Variants in POU1F1 observed in about 807,000 individuals in gnomAD.
POU1F1 encodes POU class 1 homeobox 1.
POU1F1 carries 23 observed loss-of-function variants against 32.3 expected under a neutral mutation model. The ratio of observed to expected loss-of-function variants is 0.71; its 90% CI spans 0.51 to 1.01. The LOEUF (loss-of-function observed/expected upper bound fraction) is 1.01. Among genes scored for constraint, POU1F1 ranks in the 50% least tolerant of loss-of-function variants. POU1F1 has a pLI of 0.00. For missense variants in POU1F1, 323 were observed against 341.6 expected, an observed-to-expected ratio of 0.95 and a Z score of 0.43; for synonymous variants, 120 against 115.6, an observed-to-expected ratio of 1.04 and a Z score of -0.25.
chr3:87,267,364 A>T (rs899446088), intron 2 of POU1F1, among the ~76,000 whole-genome samples: 3 of 152,234 alleles, frequency 2.0e-5, no homozygotes, highest in Admixed American at 2.0e-4. Context: ...TTAACTTTGC[A>T]GTTTAAACCA....
At chr3:87,270,840 TAA>T (rs1225976641) in intron 2 of POU1F1, among the ~76,000 whole-genome samples, 1 of 152,154 alleles carries the variant, frequency 6.6e-6, no homozygotes. Flanking sequence ...TTACTGGGGA[TAA>T]AGTCAGGAGA....
chr3:87,259,933 ACT>A lies in POU1F1; in HGVS notation c.835_836del (p.Ser279PhefsTer6). 3.1e-6 allele frequency: 5 copies of A among 1,614,062 alleles called. No individual in the cohort carries two copies. The highest frequency in any genetic ancestry group is 1.7e-6 in the Non-Finnish European group (2 of 1,179,992). ...GATGTTCCTTAGAAATAGAAAATAA[ACT>A]CTGATTCAGACTTGTTTTCACCCGT... ...EKRVKTSLNQ[S>X]LFSISKEHLE... On this transcript the variant is annotated frameshift_variant, in exon 6 of 6. Transcript: ENST00000350375. LOFTEE classifies it high-confidence loss of function.
At position 87,259,558 on chromosome 3, in the gene POU1F1, A is replaced by G. The variant is rs1030369778; in HGVS notation, c.*336T>C. ...TACTGACTTACATGTTAAAAAGCTAATATACATGTTTGGAAAAGGAACTTA... is the reference window on the plus strand; with the variant it reads ...TACTGACTTACATGTTAAAAAGCTAGTATACATGTTTGGAAAAGGAACTTA... On this transcript the variant is annotated 3_prime_UTR_variant, in exon 6 of 6. Coordinates refer to ENST00000350375, the MANE Select transcript of POU1F1 (RefSeq NM_000306.4). 3.8e-6 allele frequency: 1 copy of G among 261,470 alleles called. No individual in the cohort carries two copies. The highest frequency in any genetic ancestry group is 1.1e-4 in the East Asian group (1 of 9,312). The allele number at this position is 261,470 out of a possible 1,614,324, so 16.2% of individuals were successfully genotyped here.
At chr3:87,261,378 T>C (rs1453211491) in intron 4 of POU1F1, 45 bp from the exon 5 acceptor site, 1 of 1,422,534 alleles carries the variant, frequency 7.0e-7, no homozygotes, top group East Asian at 2.3e-5. Flanking sequence ...AAAGTAGACT[T>C]TTTATAAAAA....
intron 1 of POU1F1, 140 bp downstream of exon 1, chr3:87,276,181 A>G: frequency 9.3e-7 from 1 of 1,070,984 alleles, no homozygotes; most frequent in Non-Finnish European, 1.4e-6. Flanking sequence ...AGATATGCTT[A>G]ATGCTTACTT....
intron 3 of POU1F1, among the ~76,000 whole-genome samples, chr3:87,263,346 G>A (rs1039787305): frequency 6.6e-6 from 1 of 152,010 alleles, no homozygotes; most frequent in Non-Finnish European, 1.5e-5. Flanking sequence ...AGATCTAAAA[G>A]ATTAACAGCA....
intron 2 of POU1F1, 123 bp downstream of exon 2, chr3:87,273,224 C>A: frequency 9.4e-7 from 1 of 1,061,818 alleles, no homozygotes; most frequent in South Asian, 1.4e-5. Context: ...TGATTTTTAA[C>A]AGTAATTTTC....
chr3:87,262,377 T>C, intron 3 of POU1F1, 142 bp from the exon 4 acceptor site: 1 of 879,736 alleles, frequency 1.1e-6, no homozygotes, highest in Non-Finnish European at 1.7e-6. Flanking sequence ...CAGAATTATT[T>C]AGTAAGATTC....
At chr3:87,273,717 T>A (rs1446353484) in intron 1 of POU1F1, among the ~76,000 whole-genome samples, 1 of 152,206 alleles carries the variant, frequency 6.6e-6, no homozygotes, top group Admixed American at 6.5e-5. Flanking sequence ...GTGCTATGGC[T>A]ACGAGTGCCC....
rs1015017460 is a variant in POU1F1, at chr3:87,259,450, A to G, written c.*444T>C. 7.9e-5 allele frequency: 13 copies of G among 164,780 alleles called. No individual in the cohort carries two copies. The highest frequency in any genetic ancestry group is 7.4e-4 in the Admixed American group (12 of 16,314). The allele number at this position is 164,780 out of a possible 1,614,324, so 10.2% of individuals were successfully genotyped here. A position where few individuals can be genotyped will look rare whatever the true frequency, so the allele number is the denominator to read the frequency against. ...AAGTTCAAAACTTTTAGTTCAGACA[A>G]ATTAGTAGAGTTGGTAGAAAGCAGA... On this transcript the variant is annotated 3_prime_UTR_variant, in exon 6 of 6. Coordinates refer to ENST00000350375, the MANE Select transcript of POU1F1 (RefSeq NM_000306.4).
chr3:87,269,694 C>A (rs532059691), intron 2 of POU1F1, among the ~76,000 whole-genome samples: 24 of 152,210 alleles, frequency 1.6e-4, no homozygotes, highest in Admixed American at 2.0e-4. Flanking sequence ...ACAATCTTTT[C>A]TTTTAATATC....
chr3:87,263,845 C>A (rs544007146), intron 3 of POU1F1, among the ~76,000 whole-genome samples: 23 of 151,866 alleles, frequency 1.5e-4, no homozygotes, highest in African/African-American at 5.3e-4. Flanking sequence ...ATATGTTTGG[C>A]ACAATACATA....
At chr3:87,267,397 G>T (rs1371153787) in intron 2 of POU1F1, among the ~76,000 whole-genome samples, 2 of 152,172 alleles carry the variant, frequency 1.3e-5, no homozygotes, top group Admixed American at 6.6e-5. Flanking sequence ...AATAAGCATT[G>T]CAGTAAGCCA....
chr3:87,259,753 T>TA lies in POU1F1; in HGVS notation c.*140_*141insT, dbSNP rs201314981. Reference sequence around the variant, plus strand: ...AATTTAAATTGTTGGTTTCTTTTTTTTAAAAAAAAGTGGAAAAGTAAAGCT... The same window carrying TA: ...AATTTAAATTGTTGGTTTCTTTTTTTATAAAAAAAAGTGGAAAAGTAAAGCT... On this transcript the variant is annotated 3_prime_UTR_variant, in exon 6 of 6. Coordinates refer to ENST00000350375, the MANE Select transcript of POU1F1 (RefSeq NM_000306.4). The TA allele has an allele frequency of 1.8e-3, 1,258 of 684,904 alleles. 7 individuals carry two copies. The highest frequency in any genetic ancestry group is 0.014 in the African/African-American group (795 of 55,084). The allele number at this position is 684,904 out of a possible 1,614,324, so 42.4% of individuals were successfully genotyped here.
chr3:87,273,276 T>C (rs930682556), intron 2 of POU1F1, 71 bp downstream of exon 2: 6 of 1,456,500 alleles, frequency 4.1e-6, no homozygotes, highest in Admixed American at 3.5e-5. Flanking sequence ...CTGATCACAA[T>C]TCTTTCAGGC....
chr3:87,260,614 C>G (rs919329660), intron 5 of POU1F1, among the ~76,000 whole-genome samples: 4 of 151,992 alleles, frequency 2.6e-5, no homozygotes, highest in Non-Finnish European at 5.9e-5. Context: ...TTGAAGAGAC[C>G]GAAACACTGA....
rs1706763206 is a variant in POU1F1, at chr3:87,273,416, T to C, written c.145A>G (p.Thr49Ala). 1.9e-6 allele frequency: 3 copies of C among 1,612,160 alleles called. No individual in the cohort carries two copies. The South Asian group carries it at 3.3e-5, about 18-fold the overall frequency. ...GAAGGAACAGAATAATGAAGTCCTG[T>C]TGCTGTGTTTCCCAACGTTGTCACC... ...NHATNVMSTA[T>A]GLHYSVPSCH... The change falls in exon 2 of 6, where the codon ACA (threonine) becomes GCA (alanine). Residue 49 changes from threonine to alanine, a missense_variant and splice_region_variant. Coordinates refer to ENST00000350375, the MANE Select transcript of POU1F1 (RefSeq NM_000306.4).
At chr3:87,263,902 A>G (rs187413864) in intron 3 of POU1F1, among the ~76,000 whole-genome samples, 34 of 152,104 alleles carry the variant, frequency 2.2e-4, no homozygotes, top group Admixed American at 1.2e-3. Context: ...ATCATTGGAA[A>G]GATACACAAG....
intron 2 of POU1F1, among the ~76,000 whole-genome samples, chr3:87,268,725 G>A (rs1706672824): frequency 6.6e-6 from 1 of 152,128 alleles, no homozygotes; most frequent in African/African-American, 2.4e-5. Flanking sequence ...ATTATCTTGA[G>A]GCCTGGACAG....
Sources: gnomAD v4.1 joint callset for allele counts (sites outside exome capture counted in the v4.1 genomes callset) on GRCh38, gnomAD v4.1.1 for gene constraint, MANE v1.5 for transcripts, NCBI Gene and HGNC (gene_info 2026-07-23, HGNC 2026-07-21) for gene names.